Variants in CELSR1 observed in about 807,000 individuals in gnomAD.
CELSR1 encodes the protein adhesion G protein-coupled receptor C1.
Under a neutral mutation model 249.1 loss-of-function variants are expected in CELSR1, and 110 were observed. That is an observed-to-expected ratio of 0.44 (90% CI 0.38 to 0.52). CELSR1 has a LOEUF of 0.52. Among genes scored for constraint, CELSR1 ranks in the 20% least tolerant of loss-of-function variants. The probability of loss-of-function intolerance (pLI) is 0.00; values close to 1 mark genes in which losing one functional copy is unlikely to be tolerated. For missense variants in CELSR1, 4,109 were observed against 4,296.4 expected (o/e 0.96, Z 1.22); for synonymous variants, 2,113 against 1,900.0 (o/e 1.11, Z -2.92).
chr22:46,363,854 C>T lies in CELSR1; in HGVS notation c.9035+142G>A. The T allele has an allele frequency of 6.0e-6, 7 of 1,164,340 alleles. No individual in the cohort carries two copies. In the South Asian group the frequency reaches 1.0e-4, roughly 17 times the overall value. The allele number at this position is 1,164,340 out of a possible 1,614,324, so 72.1% of individuals were successfully genotyped here. A position where few individuals can be genotyped will look rare whatever the true frequency, so the allele number is the denominator to read the frequency against. On this transcript the variant is annotated intron_variant, in intron 34 of 34. Transcript: ENST00000674500. The surrounding 1 kb of genome is among the most constrained non-coding windows in gnomAD (Gnocchi z 4.3). The stretch of plus-strand genomic sequence containing the variant: ...CCTCAGCTGCAGCGCCTCCCCCCTC[C>T]CCCATCCCCGCCTGGGCTTCCTCTG...
chr22:46,405,503 T>C (rs1354382528), intron 9 of CELSR1, among the ~76,000 whole-genome samples: 1 of 152,108 alleles, frequency 6.6e-6, no homozygotes, highest in Non-Finnish European at 1.5e-5. Flanking sequence ...TCTCTTGCAT[T>C]GTTCTTGCTT....
At position 46,447,922 on chromosome 22, in the gene CELSR1, A is replaced by G. The variant is rs2079838724; in HGVS notation, c.4184-8511T>C. Among the ~76,000 whole-genome samples, 1 of 152,234 alleles carries G rather than the reference A, an allele frequency of 6.6e-6. No homozygotes were observed. Among genetic ancestry groups the G allele is most frequent in the Non-Finnish European group, 1.5e-5 (1 of 68,046 alleles). On this transcript the variant is annotated intron_variant, in intron 2 of 34. Coordinates refer to ENST00000674500, the MANE Select transcript of CELSR1 (RefSeq NM_001378328.1). The surrounding 1 kb of genome is among the most constrained non-coding windows in gnomAD (Gnocchi z 4.7). Reference sequence around the variant, plus strand: ...GGTGCGAGCCACCACACCCGGCCAGAAAAGCATTCTTAACGGCAAAAGAAA... The same window carrying G: ...GGTGCGAGCCACCACACCCGGCCAGGAAAGCATTCTTAACGGCAAAAGAAA...
chr22:46,388,938 T>A (rs936512533), intron 18 of CELSR1, among the ~76,000 whole-genome samples: 5 of 152,146 alleles, frequency 3.3e-5, no homozygotes, highest in African/African-American at 1.2e-4. Context: ...TTTCCTTACC[T>A]GTCAAATGGG....
At position 46,468,094 on chromosome 22, in the gene CELSR1, A is replaced by C. The variant is rs2080116711; in HGVS notation, c.3545-3749T>G. Among the ~76,000 whole-genome samples, 1 of 152,084 alleles carries C rather than the reference A, an allele frequency of 6.6e-6. No homozygotes were observed. The highest frequency in any genetic ancestry group is 2.4e-5 in the African/African-American group (1 of 41,390). The stretch of plus-strand genomic sequence containing the variant: ...TCCACCGACAGATTAACGGATTAAA[A>C]CAATGTGGTCTGGCCAGGTGTGGTG... On this transcript the variant is annotated intron_variant, in intron 1 of 34. Coordinates refer to ENST00000674500, the MANE Select transcript of CELSR1 (RefSeq NM_001378328.1). This position sits in a 1 kb window ranked among gnomAD's most constrained non-coding sequence, Gnocchi z 4.5.
At position 46,417,913 on chromosome 22, in the gene CELSR1, A is replaced by G. The variant is rs1042205290; in HGVS notation, c.4612-6154T>C. ...GGGGGCTCACAGGACAGCAGTGTCC[A>G]CAGCATCCAATGGACATCACCTCCT... is the stretch of plus-strand genomic sequence containing the variant. On this transcript the variant is annotated intron_variant, in intron 5 of 34. Transcript: ENST00000674500. The surrounding 1 kb of genome is among the most constrained non-coding windows in gnomAD (Gnocchi z 4.1). Among the ~76,000 whole-genome samples, 59 of 152,358 alleles carry G rather than the reference A, an allele frequency of 3.9e-4. No homozygotes were observed. Among genetic ancestry groups the G allele is most frequent in the African/African-American group, 1.4e-3 (58 of 41,582 alleles).
At chr22:46,525,485 C>G (rs1045436573) in intron 1 of CELSR1, among the ~76,000 whole-genome samples, 1 of 151,998 alleles carries the variant, frequency 6.6e-6, no homozygotes, top group Non-Finnish European at 1.5e-5. Context: ...ACTACAACCC[C>G]TCCCAGCATT....
At chr22:46,470,138 C>G (rs1209935451) in intron 1 of CELSR1, among the ~76,000 whole-genome samples, 2 of 148,922 alleles carry the variant, frequency 1.3e-5, no homozygotes, top group African/African-American at 5.0e-5. Flanking sequence ...TTAGGGTCCA[C>G]TACAATAATA....
chr22:46,528,944 AAAAT>A (rs1268678895), intron 1 of CELSR1, among the ~76,000 whole-genome samples: 6 of 147,042 alleles, frequency 4.1e-5, no homozygotes, highest in African/African-American at 1.5e-4. Flanking sequence ...AAAATAAAAT[AAAAT>A]AAAATAAAAT....
rs893428399 is a variant in CELSR1, at chr22:46,517,006, C to T, written c.3544+16621G>A. On this transcript the variant is annotated intron_variant, in intron 1 of 34. Coordinates refer to ENST00000674500, the MANE Select transcript of CELSR1 (RefSeq NM_001378328.1). The surrounding 1 kb of genome is among the most constrained non-coding windows in gnomAD (Gnocchi z 5.4). The stretch of plus-strand genomic sequence containing the variant: ...TTTTAAAGCAAAGGAACCTTTATCA[C>T]CCATAAGGGATGAGCTGGGCTCATC... Among the ~76,000 whole-genome samples, 4 of 152,236 alleles carry T rather than the reference C, an allele frequency of 2.6e-5. No individual in the cohort carries two copies. Among genetic ancestry groups the T allele is most frequent in the Non-Finnish European group, 5.9e-5 (4 of 68,044 alleles).
Position 46,535,590 on chromosome 22 carries a change from G to T in CELSR1, c.1581C>A (p.Val527=). The change falls in exon 1 of 35, where the codon GTC becomes GTA. Residue 527 remains valine (V), a synonymous_variant. Coordinates refer to ENST00000674500, the MANE Select transcript of CELSR1 (RefSeq NM_001378328.1). ...DVINPLDFED[V]QKYSLSIKAQ... ...CCTTAATGCTCAGCGAGTATTTCTG[G>T]ACATCCTCGAAATCCAAGGGGTTGA... is the stretch of plus-strand genomic sequence containing the variant. 1 of 1,613,446 alleles carries T rather than the reference G, an allele frequency of 6.2e-7. No homozygotes were observed. Among genetic ancestry groups the T allele is most frequent in the Non-Finnish European group, 8.5e-7 (1 of 1,180,034 alleles).
chr22:46,460,448 G>A (rs190560094), intron 2 of CELSR1, among the ~76,000 whole-genome samples: 2 of 152,294 alleles, frequency 1.3e-5, no homozygotes, highest in East Asian at 3.9e-4. Context: ...GATGGATGGG[G>A]AGGAGACACA....
chr22:46,522,090 G>A (rs1397894467), intron 1 of CELSR1, among the ~76,000 whole-genome samples: 1 of 152,112 alleles, frequency 6.6e-6, no homozygotes, highest in Non-Finnish European at 1.5e-5. Flanking sequence ...TTTTGTGTGT[G>A]TGTCAGTCAA....
chr22:46,380,946 G>A lies in CELSR1; in HGVS notation c.7098C>T (p.His2366=), dbSNP rs776119679. Residue 2366 remains histidine (H), a synonymous_variant, in exon 22 of 35, where the codon CAC becomes CAT. Coordinates refer to ENST00000674500, the MANE Select transcript of CELSR1 (RefSeq NM_001378328.1). This position sits in a 1 kb window ranked among gnomAD's most constrained non-coding sequence, Gnocchi z 5.1. ...CCATCGGGGTATTAATGATGGGCCGGTGAGGCAACCTGAGGTCAAGAAGCC... is the reference window on the plus strand; with the variant it reads ...CCATCGGGGTATTAATGATGGGCCGATGAGGCAACCTGAGGTCAAGAAGCC... ...DPDRRSLRLP[H]RPIINTPMVS... is the part of the protein sequence containing the mutation. The A allele has an allele frequency of 6.2e-7, 1 of 1,612,584 alleles. No homozygotes were observed. Among genetic ancestry groups the A allele is most frequent in the Admixed American group, 1.7e-5 (1 of 59,996 alleles).
chr22:46,486,191 G>A (rs1005888365), intron 1 of CELSR1, among the ~76,000 whole-genome samples: 4 of 150,356 alleles, frequency 2.7e-5, no homozygotes, highest in Non-Finnish European at 5.9e-5. Flanking sequence ...CGCCAGCCTC[G>A]GCCTCCCAAA....
intron 1 of CELSR1, among the ~76,000 whole-genome samples, chr22:46,531,611 C>T (rs1017605703): frequency 6.6e-6 from 1 of 152,228 alleles, no homozygotes; most frequent in South Asian, 2.1e-4. Flanking sequence ...GAAGAGCGGG[C>T]TGCTTTCTGC....
chr22:46,390,850 G>A lies in CELSR1; in HGVS notation c.6250+336C>T, dbSNP rs1416626184. 6.6e-6 allele frequency among the ~76,000 whole-genome samples: 1 copy of A among 152,218 alleles called. No individual in the cohort carries two copies. Among genetic ancestry groups the A allele is most frequent in the Non-Finnish European group, 1.5e-5 (1 of 68,040 alleles). The stretch of plus-strand genomic sequence containing the variant: ...GGATTTTCCAGACGCCCCTCACAGA[G>A]TGGACACAGTCAATGTCCCCATTTC... On this transcript the variant is annotated intron_variant, in intron 16 of 34. Transcript: ENST00000674500. The surrounding 1 kb of genome is among the most constrained non-coding windows in gnomAD (Gnocchi z 6.3).
At chr22:46,421,946 G>A (rs1020417449) in intron 5 of CELSR1, among the ~76,000 whole-genome samples, 2 of 152,188 alleles carry the variant, frequency 1.3e-5, no homozygotes, top group African/African-American at 4.8e-5. Context: ...CTATGAGACA[G>A]AATCAAAGCC....
At chr22:46,405,083 C>T (rs2079250519) in intron 9 of CELSR1, among the ~76,000 whole-genome samples, 1 of 152,044 alleles carries the variant, frequency 6.6e-6, no homozygotes, top group Non-Finnish European at 1.5e-5. Flanking sequence ...CCTCAGTCTC[C>T]CAAAGTGCTG....
At chr22:46,516,305 TA>T (rs2080627362) in intron 1 of CELSR1, among the ~76,000 whole-genome samples, 1 of 152,010 alleles carries the variant, frequency 6.6e-6, no homozygotes. Context: ...ATGTCCTTTG[TA>T]AGGACATGGA....
Sources: gnomAD v4.1 joint callset for allele counts (sites outside exome capture counted in the v4.1 genomes callset) on GRCh38, gnomAD v4.1.1 for gene constraint, Gnocchi (gnomAD v3.1) non-coding constraint, MANE v1.5 for transcripts, NCBI Gene and HGNC (gene_info 2026-07-23, HGNC 2026-07-21) for gene names.